Variants in ITPK1 observed in about 807,000 individuals in gnomAD.
The protein encoded by ITPK1 is inositol 1,3,4-trisphosphate 5/6-kinase.
Under a neutral mutation model 45.3 loss-of-function variants are expected in ITPK1, and 21 were observed. The observed-to-expected ratio is 0.46, with a 90% CI of 0.33 to 0.67. The LOEUF is 0.67. Among genes scored for constraint, ITPK1 ranks in the 30% least tolerant of loss-of-function variants. The pLI is 0.02. For synonymous variants in ITPK1, 258 were observed against 253.6 expected, an observed-to-expected ratio of 1.02 and a Z score of -0.16; for missense variants, 474 against 573.5, an observed-to-expected ratio of 0.83 and a Z score of 1.77.
chr14:93,025,131 T>C (rs1449705182), intron 3 of ITPK1, among the ~76,000 whole-genome samples: 1 of 152,160 alleles, frequency 6.6e-6, no homozygotes, highest in Non-Finnish European at 1.5e-5. Flanking sequence ...AGCGAGAACC[T>C]GTCCAGGGCT....
chr14:93,088,268 C>G (rs1013978200), intron 2 of ITPK1, among the ~76,000 whole-genome samples: 1 of 151,986 alleles, frequency 6.6e-6, no homozygotes. Context: ...GGCACTTCGT[C>G]CCCCTCACAC....
chr14:92,958,483 C>T lies in ITPK1; in HGVS notation c.505-117G>A. 1.0e-6 allele frequency: 1 copy of T among 957,810 alleles called. No homozygotes were observed. Among genetic ancestry groups the T allele is most frequent in the Non-Finnish European group, 1.6e-6 (1 of 626,432 alleles). The allele number at this position is 957,810 out of a possible 1,614,324, so 59.3% of individuals were successfully genotyped here. On this transcript the variant is annotated intron_variant, in intron 7 of 10. Transcript: ENST00000267615. This position sits in a 1 kb window ranked among gnomAD's most constrained non-coding sequence, Gnocchi z 4.4. ...CCAAGGCCCATCCCTGGTCCTGTGG[C>T]ATGAGGACTCCCCTAGAGGAGCCTT...
At chr14:93,028,816 C>T (rs879748133) in intron 3 of ITPK1, among the ~76,000 whole-genome samples, 1 of 152,238 alleles carries the variant, frequency 6.6e-6, no homozygotes, top group Non-Finnish European at 1.5e-5. Context: ...GTCCCAGGCA[C>T]GATGATGGGG....
chr14:93,052,055 G>A (rs903890418), intron 3 of ITPK1, among the ~76,000 whole-genome samples: 22 of 152,228 alleles, frequency 1.4e-4, no homozygotes, highest in Non-Finnish European at 3.1e-4. Context: ...GGGCCACGTG[G>A]TGGAAGGGGA....
intron 2 of ITPK1, among the ~76,000 whole-genome samples, chr14:93,088,542 G>A (rs1323474153): frequency 6.6e-6 from 1 of 152,060 alleles, no homozygotes; most frequent in Non-Finnish European, 1.5e-5. Context: ...TTTTAGGAGA[G>A]ACGGGGTTTT....
chr14:93,058,140 C>T (rs1890287635), intron 3 of ITPK1, among the ~76,000 whole-genome samples: 2 of 151,946 alleles, frequency 1.3e-5, no homozygotes, highest in African/African-American at 4.8e-5. Flanking sequence ...GGGCTGAGCC[C>T]CTGTTAGGGC....
intron 5 of ITPK1, among the ~76,000 whole-genome samples, chr14:92,989,866 G>T (rs1446052757): frequency 6.6e-6 from 1 of 152,110 alleles, no homozygotes; most frequent in Non-Finnish European, 1.5e-5. Flanking sequence ...GAAAGGTAGG[G>T]CCCTGGCATG....
chr14:93,080,633 GC>G (rs1402912200), intron 2 of ITPK1, among the ~76,000 whole-genome samples: 2 of 152,238 alleles, frequency 1.3e-5, no homozygotes, highest in Admixed American at 1.3e-4. Context: ...GTTAACTGTG[GC>G]CACGGGGCTG....
chr14:93,046,597 G>A (rs912331663), intron 3 of ITPK1, among the ~76,000 whole-genome samples: 2 of 150,420 alleles, frequency 1.3e-5, no homozygotes, highest in African/African-American at 2.5e-5. Flanking sequence ...CCGGGGGCGG[G>A]GGGGGGCGGC....
intron 2 of ITPK1, among the ~76,000 whole-genome samples, chr14:93,080,190 C>CAGGACA (rs1263265791): frequency 6.6e-6 from 1 of 152,152 alleles, no homozygotes; most frequent in Admixed American, 6.5e-5. Context: ...GAACAACATC[C>CAGGACA]AGGACAAGCA....
chr14:93,060,935 G>A (rs185080193), intron 3 of ITPK1, among the ~76,000 whole-genome samples: 1 of 152,278 alleles, frequency 6.6e-6, no homozygotes, highest in African/African-American at 2.4e-5. Flanking sequence ...AAGGCAGAGG[G>A]GGACACAGGC....
At chr14:92,976,637 G>A (rs911021995) in intron 5 of ITPK1, among the ~76,000 whole-genome samples, 5 of 152,240 alleles carry the variant, frequency 3.3e-5, no homozygotes, top group Non-Finnish European at 7.3e-5. Flanking sequence ...AACCAGACAA[G>A]CAATGCAGTG....
intron 4 of ITPK1, among the ~76,000 whole-genome samples, chr14:93,005,743 TC>T (rs1262611153): frequency 6.6e-6 from 1 of 152,174 alleles, no homozygotes; most frequent in African/African-American, 2.4e-5. Flanking sequence ...CCTACAGAAT[TC>T]CTCACCTGTG....
At chr14:93,077,801 G>A (rs971538503) in intron 2 of ITPK1, among the ~76,000 whole-genome samples, 1 of 152,168 alleles carries the variant, frequency 6.6e-6, no homozygotes, top group Admixed American at 6.5e-5. Flanking sequence ...CACTGTCTCG[G>A]CCCTTTGTTC....
At chr14:92,964,278 A>G (rs1334442332) in intron 5 of ITPK1, among the ~76,000 whole-genome samples, 1 of 152,076 alleles carries the variant, frequency 6.6e-6, no homozygotes, top group East Asian at 1.9e-4. Context: ...AGGCCTGTTC[A>G]ATCCCAAGCG....
intron 3 of ITPK1, among the ~76,000 whole-genome samples, chr14:93,046,658 A>G (rs1192864724): frequency 6.6e-6 from 1 of 152,206 alleles, no homozygotes; most frequent in Non-Finnish European, 1.5e-5. Flanking sequence ...GTCAACTGGA[A>G]AGCACAGGGC....
intron 4 of ITPK1, among the ~76,000 whole-genome samples, chr14:93,009,194 A>C (rs1887768873): frequency 6.6e-6 from 1 of 152,264 alleles, no homozygotes; most frequent in Non-Finnish European, 1.5e-5. Context: ...CCAAGATGTC[A>C]ATCATGTTGA....
At position 93,007,476 on chromosome 14, in the gene ITPK1, G is replaced by A. The variant is rs111296731; in HGVS notation, c.246+9200C>T. Among the ~76,000 whole-genome samples, 397 of 152,220 alleles carry A rather than the reference G, an allele frequency of 2.6e-3. 2 individuals carry two copies. The highest frequency in any genetic ancestry group is 8.8e-3 in the African/African-American group (367 of 41,526). On this transcript the variant is annotated intron_variant, in intron 4 of 10. Coordinates refer to ENST00000267615, the MANE Select transcript of ITPK1 (RefSeq NM_014216.6). Reference sequence around the variant, plus strand: ...GATGCATTGCTGGGTTTGCAAATGTGACTCACAGCCAGCAGGGCTTACAAA... The same window carrying A: ...GATGCATTGCTGGGTTTGCAAATGTAACTCACAGCCAGCAGGGCTTACAAA...
Position 93,057,896 on chromosome 14 carries a change from C to T in ITPK1, c.120+18699G>A, listed in dbSNP as rs188101453. The stretch of plus-strand genomic sequence containing the variant: ...ATCATGACCCACGATTCTGGCATCA[C>T]CACATGCTGTCTCTCAAGGGGCTAC... On this transcript the variant is annotated intron_variant, in intron 3 of 10. Coordinates refer to ENST00000267615, the MANE Select transcript of ITPK1 (RefSeq NM_014216.6). Among the ~76,000 whole-genome samples the T allele has an allele frequency of 4.1e-3, 617 of 152,324 alleles. 14 individuals are homozygous for T. The highest frequency in any genetic ancestry group is 8.1e-4 in the Non-Finnish European group (55 of 68,024).
Sources: allele counts gnomAD v4.1 joint callset (sites outside exome capture counted in the v4.1 genomes callset), GRCh38; gene constraint gnomAD v4.1.1; non-coding constraint Gnocchi (gnomAD v3.1); transcripts MANE v1.5; gene names NCBI Gene and HGNC (gene_info 2026-07-23, HGNC 2026-07-21).